Variants in GRM8 observed in about 807,000 individuals in gnomAD.
GRM8 encodes the protein metabotropic glutamate receptor 8.
Under a neutral mutation model 87.2 loss-of-function variants are expected in GRM8, and 47 were observed. That is an observed-to-expected ratio of 0.54 (90% CI 0.43 to 0.69). GRM8 has a LOEUF of 0.69. GRM8 is among the 30% of genes least tolerant of loss of function. GRM8 has a pLI of 0.00. For missense variants in GRM8, 1,019 were observed against 1,139.2 expected (o/e 0.89, Z 1.52); for synonymous variants, 396 against 404.5 (o/e 0.98, Z 0.25).
chr7:127,154,196 G>A (rs1333942924), intron 2 of GRM8, among the ~76,000 whole-genome samples: 1 of 152,078 alleles, frequency 6.6e-6, no homozygotes, highest in Non-Finnish European at 1.5e-5. Context: ...TTTGCAAAAG[G>A]CACTTTTCCT....
At chr7:127,056,847 T>A (rs1820043282) in intron 3 of GRM8, among the ~76,000 whole-genome samples, 1 of 152,170 alleles carries the variant, frequency 6.6e-6, no homozygotes, top group African/African-American at 2.4e-5. Context: ...ATGTATCACT[T>A]TCAGGAGACA....
intron 7 of GRM8, among the ~76,000 whole-genome samples, chr7:126,664,106 G>A (rs1350315414): frequency 6.6e-6 from 1 of 151,764 alleles, no homozygotes; most frequent in Admixed American, 6.6e-5. Context: ...TCTCTAAAGG[G>A]ACTACAAGAC....
intron 6 of GRM8, among the ~76,000 whole-genome samples, chr7:126,819,275 T>TACATACACACACACACACAC (rs1794076785): frequency 6.7e-6 from 1 of 148,230 alleles, no homozygotes; most frequent in Admixed American, 6.8e-5. Flanking sequence ...CAGACACACA[T>TACATACACACACACACACAC]ACACACACAC....
In GRM8 at chr7:126,528,455, T is replaced by C. The variant is rs758531849; in HGVS notation, c.2430+4497A>G. ...GGTGAGCAAAATCAAATAAAGTCCTTGCCCTCATGGGTAACAGCCTAATGG... is the reference window on the plus strand; with the variant it reads ...GGTGAGCAAAATCAAATAAAGTCCTCGCCCTCATGGGTAACAGCCTAATGG... On this transcript the variant is annotated intron_variant, in intron 9 of 10. Transcript: ENST00000339582. 2.6e-4 allele frequency among the ~76,000 whole-genome samples: 39 copies of C among 152,180 alleles called. 1 individual carries two copies. Among genetic ancestry groups the C allele is most frequent in the Admixed American group, 2.6e-3 (39 of 15,270 alleles).
intron 3 of GRM8, among the ~76,000 whole-genome samples, chr7:127,015,040 GAAGAAGAAGA>G (rs1815333676): frequency 8.1e-6 from 1 of 122,836 alleles, no homozygotes; most frequent in African/African-American, 2.9e-5. Flanking sequence ...AGAAGAAGAA[GAAGAAGAAGA>G]AGAAGAAGAA....
chr7:127,065,847 A>G (rs1821053510), intron 3 of GRM8, among the ~76,000 whole-genome samples: 1 of 152,196 alleles, frequency 6.6e-6, no homozygotes, highest in East Asian at 1.9e-4. Flanking sequence ...AAATGAACCA[A>G]ACCTATTCAT....
intron 7 of GRM8, among the ~76,000 whole-genome samples, chr7:126,643,365 C>A (rs1189425244): frequency 2.7e-4 from 19 of 70,096 alleles, no homozygotes; most frequent in South Asian, 5.8e-4. Context: ...TAGTTTGAAG[C>A]AATGATCACT....
chr7:127,165,141 G>GATATATATAT (rs3993578), intron 2 of GRM8, among the ~76,000 whole-genome samples: 8 of 67,436 alleles, frequency 1.2e-4, no homozygotes, highest in East Asian at 7.4e-4. Flanking sequence ...CATGTAAACA[G>GATATATATAT]ATATATATAT....
At chr7:127,236,911 G>A (rs1347746656) in intron 2 of GRM8, among the ~76,000 whole-genome samples, 1 of 152,132 alleles carries the variant, frequency 6.6e-6, no homozygotes, top group Non-Finnish European at 1.5e-5. Flanking sequence ...GGTGCTTACA[G>A]TCTAGTGGGG....
chr7:126,496,952 T>C (rs184602182), intron 9 of GRM8, among the ~76,000 whole-genome samples: 101 of 145,716 alleles, frequency 6.9e-4, no homozygotes, highest in African/African-American at 2.4e-3. Flanking sequence ...TTATTCATAA[T>C]AAGAGAATGA....
At chr7:127,113,281 G>C (rs146486792) in intron 2 of GRM8, among the ~76,000 whole-genome samples, 306 of 152,122 alleles carry the variant, frequency 2.0e-3, no homozygotes, top group African/African-American at 6.8e-3. Flanking sequence ...AATATCCCAA[G>C]GAAGCCAAGA....
chr7:126,793,047 T>C (rs1821535285), intron 6 of GRM8, among the ~76,000 whole-genome samples: 1 of 152,180 alleles, frequency 6.6e-6, no homozygotes, highest in South Asian at 2.1e-4. Flanking sequence ...TACCTTCTTT[T>C]CCCTGCCAGA....
At chr7:126,909,145 G>A (rs532424319) in intron 3 of GRM8, among the ~76,000 whole-genome samples, 147 of 152,300 alleles carry the variant, frequency 9.7e-4, no homozygotes, top group Non-Finnish European at 1.2e-3. Flanking sequence ...AGACAAGGGT[G>A]TAAATTAGGT....
intron 6 of GRM8, among the ~76,000 whole-genome samples, chr7:126,796,349 T>G (rs559809158): frequency 2.0e-5 from 3 of 152,152 alleles, no homozygotes; most frequent in African/African-American, 7.2e-5. Flanking sequence ...AAAGTGAAAT[T>G]CTAAAACTAC....
chr7:127,065,378 G>A (rs899965665), intron 3 of GRM8, among the ~76,000 whole-genome samples: 1 of 152,158 alleles, frequency 6.6e-6, no homozygotes, highest in Non-Finnish European at 1.5e-5. Context: ...GTGAGAGAGT[G>A]GGAGGAGGGA....
At chr7:126,576,267 T>C (rs1466290628) in intron 8 of GRM8, among the ~76,000 whole-genome samples, 1 of 152,154 alleles carries the variant, frequency 6.6e-6, no homozygotes, top group East Asian at 1.9e-4. Context: ...CAACTTTTTG[T>C]ATTGTTCTGT....
At chr7:126,800,825 GA>G (rs1275971883) in intron 6 of GRM8, among the ~76,000 whole-genome samples, 1 of 152,062 alleles carries the variant, frequency 6.6e-6, no homozygotes, top group Non-Finnish European at 1.5e-5. Flanking sequence ...GCCTTAAAAA[GA>G]ATGATTAATA....
intron 7 of GRM8, among the ~76,000 whole-genome samples, chr7:126,765,952 C>A (rs1232069384): frequency 2.0e-5 from 3 of 151,962 alleles, no homozygotes; most frequent in African/African-American, 7.2e-5. Context: ...AATTAAACCA[C>A]CATTGTAGCT....
chr7:126,508,269 ACG>A (rs1428798628), intron 9 of GRM8, among the ~76,000 whole-genome samples: 4 of 143,296 alleles, frequency 2.8e-5, no homozygotes, highest in East Asian at 2.1e-4. Context: ...ACACACACAC[ACG>A]CAAACACACA....
Sources: allele counts gnomAD v4.1 joint callset (sites outside exome capture counted in the v4.1 genomes callset), GRCh38; gene constraint gnomAD v4.1.1; transcripts MANE v1.5; gene names NCBI Gene and HGNC (gene_info 2026-07-23, HGNC 2026-07-21).